The following LRRC4C variants were observed in gnomAD, a reference collection of about 807,000 sequenced individuals.
LRRC4C encodes leucine-rich repeat-containing protein 4C.
In LRRC4C, 5 loss-of-function variants were observed where a neutral mutation model predicts 33.6. The ratio of observed to expected loss-of-function variants is 0.15; its 90% CI spans 0.08 to 0.31. The LOEUF (loss-of-function observed/expected upper bound fraction) is 0.31, where lower values mean the gene tolerates loss of function less well. Ranked by LOEUF, LRRC4C falls within the 10% of genes least tolerant of loss-of-function variation. LRRC4C has a pLI of 1.00. For synonymous variants in LRRC4C, 329 were observed against 302.0 expected (o/e 1.09, Z -0.93); for missense variants, 560 against 796.7 (o/e 0.70, Z 3.58).
chr11:40,406,791 C>T (rs1018056146), intron 3 of LRRC4C, among the ~76,000 whole-genome samples: 4 of 151,996 alleles, frequency 2.6e-5, no homozygotes, highest in African/African-American at 4.8e-5. Flanking sequence ...TAACCAAATA[C>T]GATATATTTC....
At chr11:40,634,144 A>C (rs1288833849) in intron 3 of LRRC4C, among the ~76,000 whole-genome samples, 1 of 152,202 alleles carries the variant, frequency 6.6e-6, no homozygotes, top group East Asian at 1.9e-4. Context: ...TAAATATTTC[A>C]GCATAAAAGA....
intron 2 of LRRC4C, among the ~76,000 whole-genome samples, chr11:40,849,572 T>A (rs1953375177): frequency 6.6e-6 from 1 of 152,182 alleles, no homozygotes; most frequent in African/African-American, 2.4e-5. Flanking sequence ...CTTAACATTT[T>A]TTTTCCCTTC....
intron 1 of LRRC4C, among the ~76,000 whole-genome samples, chr11:41,203,023 T>A (rs1946462187): frequency 6.6e-6 from 1 of 152,160 alleles, no homozygotes; most frequent in South Asian, 2.1e-4. Flanking sequence ...TGACCTCAGG[T>A]GATCCACCCG....
chr11:40,210,791 G>A (rs1459664326), intron 5 of LRRC4C, among the ~76,000 whole-genome samples: 1 of 152,024 alleles, frequency 6.6e-6, no homozygotes, highest in African/African-American at 2.4e-5. Flanking sequence ...CTTTTCTTTT[G>A]AGATAGAGTC....
chr11:40,518,801 A>ATATGTG (rs149917073), intron 3 of LRRC4C, among the ~76,000 whole-genome samples: 1 of 150,978 alleles, frequency 6.6e-6, no homozygotes, highest in African/African-American at 2.4e-5. Flanking sequence ...ACATGCACAC[A>ATATGTG]TATTGCGGCA....
Position 40,810,818 on chromosome 11 carries a change from T to C in LRRC4C, c.-407+122817A>G, listed in dbSNP as rs556865930. On this transcript the variant is annotated intron_variant, in intron 2 of 6. Transcript: ENST00000528697. ...GTCAATTCCATTGTCACAATTGTTG[T>C]TCACTACTGGGGCCTGCTAAATGAT... 3.3e-5 allele frequency among the ~76,000 whole-genome samples: 5 copies of C among 152,294 alleles called. No homozygotes were observed. In the South Asian group the frequency reaches 1.0e-3, roughly 32 times the overall value.
chr11:40,394,189 G>A (rs979013431), intron 3 of LRRC4C, among the ~76,000 whole-genome samples: 9 of 152,180 alleles, frequency 5.9e-5, no homozygotes, highest in African/African-American at 2.2e-4. Context: ...AGTTTTGAAA[G>A]TTTTGAGGAC....
At chr11:40,297,582 C>T (rs939374916) in intron 4 of LRRC4C, among the ~76,000 whole-genome samples, 2 of 151,848 alleles carry the variant, frequency 1.3e-5, no homozygotes, top group African/African-American at 4.8e-5. Flanking sequence ...TACTGATGTG[C>T]AAATTTCTGC....
intron 5 of LRRC4C, among the ~76,000 whole-genome samples, chr11:40,167,756 C>T (rs760958121): frequency 6.6e-6 from 1 of 152,038 alleles, no homozygotes; most frequent in African/African-American, 2.4e-5. Flanking sequence ...TCACTTCAAA[C>T]CTACTCACCC....
intron 3 of LRRC4C, among the ~76,000 whole-genome samples, chr11:40,623,102 T>C (rs1962608940): frequency 6.6e-6 from 1 of 151,722 alleles, no homozygotes; most frequent in African/African-American, 2.4e-5. Context: ...TTTTAGAATC[T>C]ACCAAGATTT....
chr11:41,058,155 C>A (rs767744385), intron 1 of LRRC4C, among the ~76,000 whole-genome samples: 1 of 152,202 alleles, frequency 6.6e-6, no homozygotes, highest in Non-Finnish European at 1.5e-5. Flanking sequence ...AGAAGAACTG[C>A]GATTCTTCAG....
intron 1 of LRRC4C, among the ~76,000 whole-genome samples, chr11:41,109,549 C>T (rs749793094): frequency 2.0e-5 from 3 of 152,044 alleles, no homozygotes; most frequent in Non-Finnish European, 4.4e-5. Context: ...AAATGACAAC[C>T]TTTTAATTTT....
chr11:41,275,903 A>T (rs1187500805), intron 1 of LRRC4C, among the ~76,000 whole-genome samples: 2 of 152,232 alleles, frequency 1.3e-5, no homozygotes, highest in African/African-American at 2.4e-5. Context: ...ACGTATACAC[A>T]TGCATAGAAT....
At chr11:40,662,016 T>G (rs963308381) in intron 2 of LRRC4C, among the ~76,000 whole-genome samples, 33 of 152,356 alleles carry the variant, frequency 2.2e-4, no homozygotes, top group African/African-American at 7.7e-4. Context: ...AAATGGACAG[T>G]ATGTGTGTTA....
chr11:40,508,139 A>G (rs1250077906), intron 3 of LRRC4C, among the ~76,000 whole-genome samples: 3 of 152,204 alleles, frequency 2.0e-5, no homozygotes, highest in African/African-American at 7.2e-5. Flanking sequence ...AAAATCATGC[A>G]ATATAATTAT....
At chr11:40,880,756 T>C (rs1332460096) in intron 2 of LRRC4C, among the ~76,000 whole-genome samples, 1 of 151,510 alleles carries the variant, frequency 6.6e-6, no homozygotes, top group Non-Finnish European at 1.5e-5. Context: ...TCTAATGTTA[T>C]AGGTAAAGTA....
At chr11:40,669,796 A>T (rs765081428) in intron 2 of LRRC4C, among the ~76,000 whole-genome samples, 1 of 152,220 alleles carries the variant, frequency 6.6e-6, no homozygotes, top group African/African-American at 2.4e-5. Flanking sequence ...TTTATGTCCA[A>T]TGTAACACTC....
At chr11:40,890,152 G>C (rs892642085) in intron 2 of LRRC4C, among the ~76,000 whole-genome samples, 2 of 152,056 alleles carry the variant, frequency 1.3e-5, no homozygotes, top group Non-Finnish European at 2.9e-5. Context: ...ATAAGAAAAG[G>C]AAAACACATA....
rs559341854 is a variant in LRRC4C at position 40,889,078 on chromosome 11, G to A, written c.-407+44557C>T. Among the ~76,000 whole-genome samples, 3 of 152,124 alleles carry A rather than the reference G, an allele frequency of 2.0e-5. No individual in the cohort carries two copies. The South Asian group carries it at 6.2e-4, about 31-fold the overall frequency. Reference sequence around the variant, plus strand: ...TACCATATAACCCAGCTATTCCACTGTAGGAACTCATGCTAATAAAATAAT... The same window carrying A: ...TACCATATAACCCAGCTATTCCACTATAGGAACTCATGCTAATAAAATAAT... On this transcript the variant is annotated intron_variant, in intron 2 of 6. Transcript: ENST00000528697.
Sources: allele counts gnomAD v4.1 joint callset (sites outside exome capture counted in the v4.1 genomes callset), GRCh38; gene constraint gnomAD v4.1.1; transcripts MANE v1.5; gene names NCBI Gene and HGNC (gene_info 2026-07-23, HGNC 2026-07-21).